The following PHACTR1 variants were observed in gnomAD, a reference collection of about 807,000 sequenced individuals.
The protein encoded by PHACTR1 is phosphatase and actin regulator 1.
A neutral mutation model predicts 69.2 loss-of-function variants in PHACTR1; 16 were observed. The observed-to-expected ratio is 0.23, with a 90% CI of 0.16 to 0.35. PHACTR1 has a LOEUF of 0.35. PHACTR1 is among the 10% of genes least tolerant of loss of function. The probability of loss-of-function intolerance (pLI) is 1.00; values close to 1 mark genes in which losing one functional copy is unlikely to be tolerated. For missense variants in PHACTR1, 510 were observed against 734.7 expected (o/e 0.69, Z 3.54); for synonymous variants, 312 against 284.5 (o/e 1.10, Z -0.97).
rs536223165 is a variant in PHACTR1 at position 13,117,491 on chromosome 6, G to T, written c.416-42713G>T. 9.9e-5 allele frequency among the ~76,000 whole-genome samples: 15 copies of T among 152,152 alleles called. 1 individual carries two copies. The East Asian group carries it at 2.9e-3, about 29-fold the overall frequency. ...TAAAATACATCCTTGGCTTGTAAAG[G>T]GCTAAAATTTGAATTCCCATCACCA... On this transcript the variant is annotated intron_variant, in intron 5 of 14. Coordinates refer to ENST00000332995, the MANE Select transcript of PHACTR1 (RefSeq NM_030948.6).
chr6:13,006,710 G>T lies in PHACTR1; in HGVS notation c.251-46655G>T, dbSNP rs113020358. Among the ~76,000 whole-genome samples, 130 of 152,058 alleles carry T rather than the reference G, an allele frequency of 8.5e-4. 1 individual carries two copies. The highest frequency in any genetic ancestry group is 2.9e-3 in the African/African-American group (122 of 41,458). On this transcript the variant is annotated intron_variant, in intron 4 of 14. Transcript: ENST00000332995. Reference sequence around the variant, plus strand: ...CTCATTGTTTTATTAGTCTCGATAGGCTAGATCGTGTTGCAGTGAAAACAA... The same window carrying T: ...CTCATTGTTTTATTAGTCTCGATAGTCTAGATCGTGTTGCAGTGAAAACAA...
intron 10 of PHACTR1, among the ~76,000 whole-genome samples, chr6:13,253,308 G>T (rs1774746343): frequency 6.6e-6 from 1 of 152,184 alleles, no homozygotes; most frequent in South Asian, 2.1e-4. Context: ...TTCATCCCTT[G>T]CTTACCTTTG....
intron 6 of PHACTR1, among the ~76,000 whole-genome samples, chr6:13,182,192 C>T (rs1762262136): frequency 6.6e-6 from 1 of 152,162 alleles, no homozygotes. Flanking sequence ...AAGATCATGC[C>T]ATTGCACTCC....
chr6:13,111,318 A>G (rs556394202), intron 5 of PHACTR1, among the ~76,000 whole-genome samples: 8 of 152,250 alleles, frequency 5.3e-5, no homozygotes, highest in South Asian at 2.1e-4. Context: ...AAAAATTTGT[A>G]TCTTATTGTT....
intron 4 of PHACTR1, among the ~76,000 whole-genome samples, chr6:13,041,815 A>C (rs1804224308): frequency 1.3e-5 from 2 of 152,162 alleles, no homozygotes; most frequent in African/African-American, 4.8e-5. Context: ...CATCCACAGG[A>C]AAAGATGTGT....
In PHACTR1 at chr6:13,203,268, G is replaced by A. The variant is rs192360869; in HGVS notation, c.665-2547G>A. On this transcript the variant is annotated intron_variant, in intron 7 of 14. Transcript: ENST00000332995. ...GCTGGTCACTGAACAAGATGCTGAG[G>A]TTTGAGGTACAATAATAAATTACAC... Among the ~76,000 whole-genome samples the A allele has an allele frequency of 5.1e-3, 775 of 152,294 alleles. 3 individuals are homozygous for A. Among genetic ancestry groups the A allele is most frequent in the Non-Finnish European group, 7.4e-3 (504 of 68,026 alleles).
chr6:12,843,508 G>A (rs1318608490), intron 4 of PHACTR1, among the ~76,000 whole-genome samples: 2 of 152,296 alleles, frequency 1.3e-5, no homozygotes, highest in East Asian at 3.9e-4. Flanking sequence ...TAGAAAGATT[G>A]CTTTACCTAG....
chr6:12,818,607 T>C (rs1775855238), intron 4 of PHACTR1, among the ~76,000 whole-genome samples: 1 of 152,216 alleles, frequency 6.6e-6, no homozygotes, highest in Non-Finnish European at 1.5e-5. Flanking sequence ...GAGTTTATAT[T>C]GGCCAGTCTT....
At chr6:13,163,567 G>A (rs925036523) in intron 6 of PHACTR1, among the ~76,000 whole-genome samples, 10 of 152,144 alleles carry the variant, frequency 6.6e-5, no homozygotes, top group Admixed American at 2.0e-4. Context: ...TGAAAACTTC[G>A]TTGCACATAG....
chr6:13,283,172 G>A lies in PHACTR1; in HGVS notation c.1510-250G>A. 1 of 301,402 alleles carries A rather than the reference G, an allele frequency of 3.3e-6. No individual in the cohort carries two copies. Among genetic ancestry groups the A allele is most frequent in the Non-Finnish European group, 5.9e-6 (1 of 168,298 alleles). The allele number at this position is 301,402 out of a possible 1,614,324, so 18.7% of individuals were successfully genotyped here. A position where few individuals can be genotyped will look rare whatever the true frequency, so the allele number is the denominator to read the frequency against. ...TTTTTTAAGTTTAAAAAAAAAAAGAGCTTGGCCTAGAGGGTATGTAAGGGA... is the reference window on the plus strand; with the variant it reads ...TTTTTTAAGTTTAAAAAAAAAAAGAACTTGGCCTAGAGGGTATGTAAGGGA... On this transcript the variant is annotated intron_variant, in intron 12 of 14. Coordinates refer to ENST00000332995, the MANE Select transcript of PHACTR1 (RefSeq NM_030948.6). This position sits in a 1 kb window ranked among gnomAD's most constrained non-coding sequence, Gnocchi z 4.7.
intron 10 of PHACTR1, among the ~76,000 whole-genome samples, chr6:13,248,847 G>A (rs1337261045): frequency 6.6e-6 from 1 of 152,196 alleles, no homozygotes; most frequent in Non-Finnish European, 1.5e-5. Flanking sequence ...AAGACTGGAA[G>A]CCACAGCGGA....
At chr6:12,845,710 G>A (rs1308176916) in intron 4 of PHACTR1, among the ~76,000 whole-genome samples, 1 of 152,140 alleles carries the variant, frequency 6.6e-6, no homozygotes, top group Non-Finnish European at 1.5e-5. Context: ...GCTTTATTAA[G>A]TTCCTTTTGT....
chr6:13,049,961 AAGC>A (rs1408298561), intron 4 of PHACTR1, among the ~76,000 whole-genome samples: 1 of 152,206 alleles, frequency 6.6e-6, no homozygotes, highest in Admixed American at 6.5e-5. Context: ...ATGTGGACAA[AAGC>A]AACAAGACTA....
At chr6:13,218,885 AGAGAAGAGAAGAGAAGAGAAGAG>A (rs1183795358) in intron 8 of PHACTR1, among the ~76,000 whole-genome samples, 109 of 103,032 alleles carry the variant, frequency 1.1e-3, no homozygotes, top group South Asian at 1.6e-3. Context: ...AGAGAAGAGA[AGAGAAGAGAAGAGAAGAGAAGAG>A]AAGAGAAAAG....
At chr6:12,918,313 A>T (rs1462520845) in intron 4 of PHACTR1, among the ~76,000 whole-genome samples, 2 of 152,206 alleles carry the variant, frequency 1.3e-5, no homozygotes, top group Non-Finnish European at 2.9e-5. Context: ...ACATTTTAAA[A>T]TTTCCATTAC....
intron 4 of PHACTR1, among the ~76,000 whole-genome samples, chr6:12,947,292 C>T (rs953268763): frequency 2.6e-4 from 40 of 151,936 alleles, no homozygotes; most frequent in African/African-American, 9.2e-4. Flanking sequence ...CATAACCCAG[C>T]ACTTTATCTG....
chr6:13,100,588 C>T (rs1392860458), intron 5 of PHACTR1, among the ~76,000 whole-genome samples: 1 of 152,096 alleles, frequency 6.6e-6, no homozygotes, highest in Non-Finnish European at 1.5e-5. Context: ...TTGGTATTTC[C>T]ATCTCTTGGC....
chr6:13,021,796 T>A (rs941097289), intron 4 of PHACTR1, among the ~76,000 whole-genome samples: 1 of 152,238 alleles, frequency 6.6e-6, no homozygotes, highest in Non-Finnish European at 1.5e-5. Context: ...GTTAACTCAG[T>A]CCACTTAAGA....
intron 5 of PHACTR1, among the ~76,000 whole-genome samples, chr6:13,063,511 T>G (rs1477265167): frequency 6.6e-6 from 1 of 152,018 alleles, no homozygotes; most frequent in Non-Finnish European, 1.5e-5. Flanking sequence ...CGGTGACTCA[T>G]GCCTGTAATC....
Sources: gnomAD v4.1 joint callset for allele counts (sites outside exome capture counted in the v4.1 genomes callset) on GRCh38, gnomAD v4.1.1 for gene constraint, Gnocchi (gnomAD v3.1) non-coding constraint, MANE v1.5 for transcripts, NCBI Gene and HGNC (gene_info 2026-07-23, HGNC 2026-07-21) for gene names.